Variants in SGSM1 observed in about 807,000 individuals in gnomAD.
SGSM1 encodes small G protein signaling modulator 1.
In SGSM1, 73 loss-of-function variants were observed where a neutral mutation model predicts 133.8. The ratio of observed to expected loss-of-function variants is 0.55; its 90% CI spans 0.45 to 0.66. The LOEUF (loss-of-function observed/expected upper bound fraction) is 0.66, where lower values mean the gene tolerates loss of function less well. Ranked by LOEUF, SGSM1 falls within the 30% of genes least tolerant of loss-of-function variation. The pLI is 0.00. For synonymous variants in SGSM1, 563 were observed against 573.0 expected, an observed-to-expected ratio of 0.98 and a Z score of 0.25; for missense variants, 1,213 against 1,448.1, an observed-to-expected ratio of 0.84 and a Z score of 2.64.
At chr22:24,877,766 T>A (rs966720363) in intron 13 of SGSM1, among the ~76,000 whole-genome samples, 2 of 151,736 alleles carry the variant, frequency 1.3e-5, no homozygotes, top group African/African-American at 4.8e-5. Flanking sequence ...ACTTTAAAGT[T>A]TGAGAAGTGC....
chr22:24,853,158 A>G (rs1032036789), intron 5 of SGSM1, among the ~76,000 whole-genome samples: 7 of 152,290 alleles, frequency 4.6e-5, no homozygotes, highest in Admixed American at 3.9e-4. Context: ...GCCCAGTGAC[A>G]CACAGCAAGG....
chr22:24,859,698 GTCC>G lies in SGSM1; in HGVS notation c.802-12_802-10del, dbSNP rs1395757049. The G allele has an allele frequency of 3.1e-6, 5 of 1,613,426 alleles. No homozygotes were observed. In the Admixed American group the frequency reaches 5.0e-5, roughly 16 times the overall value. On this transcript the variant is annotated splice_polypyrimidine_tract_variant and intron_variant, in intron 8 of 24. Transcript: ENST00000400358. ...ACTCCAGCACCATGGCCAGACCTGA[GTCC>G]TCCTCTCTCTGCAGAGGGACGACAT...
chr22:24,835,107 T>C (rs562784465), intron 2 of SGSM1, among the ~76,000 whole-genome samples: 1 of 152,184 alleles, frequency 6.6e-6, no homozygotes, highest in Admixed American at 6.5e-5. Flanking sequence ...GTGGTGATGT[T>C]TCCCCCTGCA....
chr22:24,908,315 T>G (rs1933482483), intron 21 of SGSM1, among the ~76,000 whole-genome samples: 1 of 143,386 alleles, frequency 7.0e-6, no homozygotes, highest in Non-Finnish European at 1.5e-5. Context: ...TTTTTTTAGA[T>G]ATGACACCAA....
chr22:24,810,105 T>G (rs1300680473), intron 2 of SGSM1, among the ~76,000 whole-genome samples: 1 of 152,054 alleles, frequency 6.6e-6, no homozygotes, highest in Non-Finnish European at 1.5e-5. Context: ...GAACATGTGG[T>G]CTTATCCCAA....
intron 8 of SGSM1, among the ~76,000 whole-genome samples, chr22:24,858,643 A>C (rs1308569918): frequency 6.1e-5 from 7 of 115,112 alleles, no homozygotes; most frequent in Non-Finnish European, 1.2e-4. Flanking sequence ...CTCAAAAAAA[A>C]AAAAAAAAAA....
chr22:24,900,658 A>C (rs1217941200), intron 19 of SGSM1, among the ~76,000 whole-genome samples: 1 of 152,082 alleles, frequency 6.6e-6, no homozygotes, highest in East Asian at 1.9e-4. Flanking sequence ...CGGCCTCCCA[A>C]AGTGCTGGGA....
chr22:24,883,709 C>A (rs977216934), intron 14 of SGSM1, among the ~76,000 whole-genome samples: 4 of 152,268 alleles, frequency 2.6e-5, no homozygotes, highest in African/African-American at 7.2e-5. Flanking sequence ...GTAATCCCAG[C>A]ACTTTGGGAG....
At chr22:24,896,692 T>C (rs559131215) in intron 18 of SGSM1, among the ~76,000 whole-genome samples, 1 of 152,038 alleles carries the variant, frequency 6.6e-6, no homozygotes, top group African/African-American at 2.4e-5. Context: ...TATGTATACA[T>C]GAGGCTGGGC....
chr22:24,832,610 G>A (rs16979031), intron 2 of SGSM1, among the ~76,000 whole-genome samples: 7,180 of 152,206 alleles, frequency 0.047, 382 homozygotes, highest in African/African-American at 0.13. Context: ...TGTTAGCTGA[G>A]TCTGGCACAC....
Position 24,856,049 on chromosome 22 carries a change from C to T in SGSM1, c.801+369C>T, listed in dbSNP as rs564455496. 4.8e-5 allele frequency: 20 copies of T among 414,154 alleles called. No homozygotes were observed. In the East Asian group the frequency reaches 1.2e-3, roughly 25 times the overall value. The allele number at this position is 414,154 out of a possible 1,614,324, so 25.7% of individuals were successfully genotyped here. A position where few individuals can be genotyped will look rare whatever the true frequency, so the allele number is the denominator to read the frequency against. On this transcript the variant is annotated intron_variant, in intron 8 of 24. Coordinates refer to ENST00000400358, the MANE Select transcript of SGSM1 (RefSeq NM_001098497.3). ...TCCATCCATCCATCCATCCCTCCAT[C>T]TATCCATCCATCCATTTGTCCATTT...
Position 24,898,021 on chromosome 22 carries a change from T to G in SGSM1, c.2072T>G (p.Leu691Trp). 1.9e-6 allele frequency: 3 copies of G among 1,612,792 alleles called. No individual in the cohort carries two copies. The highest frequency in any genetic ancestry group is 2.5e-6 in the Non-Finnish European group (3 of 1,179,404). ...GAGCAGGTGGAGGCTGAAGGCAGAT[T>G]GGAGGAGAAACAGCCCAAGATCCCC... ...EVEQVEAEGR[L>W]EEKQPKIPNG... Residue 691 changes from leucine to tryptophan, a missense_variant, in exon 19 of 25, where the codon TTG becomes TGG. Physicochemically the swap from Leu to Trp is moderately conservative, Grantham distance 61. Transcript: ENST00000400358.
chr22:24,806,280 A>ACCGCCG lies in SGSM1; in HGVS notation c.-43_-38dup. ...CGCGGCCGGAGGAGCTACCGCCGCC[A>ACCGCCG]CCGCCGCCACCGCCTCCTGGGACTC... On this transcript the variant is annotated 5_prime_UTR_variant, in exon 1 of 25. Coordinates refer to ENST00000400358, the MANE Select transcript of SGSM1 (RefSeq NM_001098497.3). 1 of 1,405,018 alleles carries ACCGCCG rather than the reference A, an allele frequency of 7.1e-7. No homozygotes were observed. Among genetic ancestry groups the ACCGCCG allele is most frequent in the Non-Finnish European group, 9.2e-7 (1 of 1,084,458 alleles). 87.0% of individuals were successfully genotyped at this position (1,405,018 alleles called of 1,614,324 possible).
Position 24,818,089 on chromosome 22 carries a change from G to A in SGSM1, c.63+11605G>A, listed in dbSNP as rs575215670. On this transcript the variant is annotated intron_variant, in intron 2 of 24. Coordinates refer to ENST00000400358, the MANE Select transcript of SGSM1 (RefSeq NM_001098497.3). ...TCTACTGAAAATACAAAAATTAGCC[G>A]GGCGTGGTGGTGGGCGCCTGTAATC... 5.7e-3 allele frequency among the ~76,000 whole-genome samples: 640 copies of A among 111,650 alleles called. 4 individuals are homozygous for A. The highest frequency in any genetic ancestry group is 0.017 in the African/African-American group (603 of 34,516). 73.2% of individuals were successfully genotyped at this position (111,650 alleles called of 152,430 possible). A position where few individuals can be genotyped will look rare whatever the true frequency, so the allele number is the denominator to read the frequency against.
At chr22:24,872,320 G>T (rs974733876) in intron 12 of SGSM1, among the ~76,000 whole-genome samples, 40 of 152,126 alleles carry the variant, frequency 2.6e-4, no homozygotes, top group African/African-American at 9.7e-4. Flanking sequence ...ATGTGGACAG[G>T]TTCACATCAG....
intron 19 of SGSM1, among the ~76,000 whole-genome samples, chr22:24,898,944 G>A (rs1349324980): frequency 6.7e-6 from 1 of 149,216 alleles, no homozygotes; most frequent in African/African-American, 2.5e-5. Context: ...AGAGAATGGC[G>A]TGAACCCGGG....
intron 2 of SGSM1, among the ~76,000 whole-genome samples, chr22:24,841,038 G>A (rs1302131259): frequency 2.6e-5 from 4 of 151,988 alleles, no homozygotes; most frequent in Non-Finnish European, 5.9e-5. Context: ...TTTTAGTAGA[G>A]ACGGGGTTTC....
intron 19 of SGSM1, among the ~76,000 whole-genome samples, chr22:24,899,801 G>C (rs749643289): frequency 6.6e-6 from 1 of 152,014 alleles, no homozygotes; most frequent in African/African-American, 2.4e-5. Context: ...GATTACAGGC[G>C]TGAGCCTCCA....
chr22:24,906,818 G>A lies in SGSM1; in HGVS notation c.2818+1631G>A, dbSNP rs115719471. Among the ~76,000 whole-genome samples, 1,170 of 152,190 alleles carry A rather than the reference G, an allele frequency of 7.7e-3. 15 individuals carry two copies. The highest frequency in any genetic ancestry group is 0.027 in the African/African-American group (1,121 of 41,520). On this transcript the variant is annotated intron_variant, in intron 21 of 24. Transcript: ENST00000400358. ...TAAACAAAAATAGCCAGGCGTGGTG[G>A]CGCATGCCTCTAATTCCAGTTACTT...
Sources: allele counts gnomAD v4.1 joint callset (sites outside exome capture counted in the v4.1 genomes callset), GRCh38; gene constraint gnomAD v4.1.1; transcripts MANE v1.5; gene names NCBI Gene and HGNC (gene_info 2026-07-23, HGNC 2026-07-21).